The following PCID2 variants were observed in gnomAD, a reference collection of about 807,000 sequenced individuals.
The protein encoded by PCID2 is PCI domain containing 2, also known as PCI domain-containing protein 2.
A neutral mutation model predicts 61.3 loss-of-function variants in PCID2; 41 were observed. That is an observed-to-expected ratio of 0.67 (90% CI 0.52 to 0.87). The LOEUF (loss-of-function observed/expected upper bound fraction) is 0.87. PCID2 is among the 40% of genes least tolerant of loss of function. The probability of loss-of-function intolerance (pLI) is 0.00; values close to 1 mark genes in which losing one functional copy is unlikely to be tolerated. For missense variants in PCID2, 392 were observed against 493.4 expected (o/e 0.79, Z 1.95); for synonymous variants, 187 against 177.8 (o/e 1.05, Z -0.41).
In PCID2 at chr13:113,180,060, G is replaced by C; in HGVS notation, c.861-18C>G. 1.9e-6 allele frequency: 3 copies of C among 1,613,686 alleles called. No individual in the cohort carries two copies. Among genetic ancestry groups the C allele is most frequent in the Non-Finnish European group, 2.5e-6 (3 of 1,179,760 alleles). Reference sequence around the variant, plus strand: ...TGCCCTCGCTGGTGAGGGGGGAGGCGCGTCAGAAGGAGGGTGAGTTTCTCA... The same window carrying C: ...TGCCCTCGCTGGTGAGGGGGGAGGCCCGTCAGAAGGAGGGTGAGTTTCTCA... On this transcript the variant is annotated intron_variant, in intron 11 of 13. Transcript: ENST00000337344.
At chr13:113,187,206 C>T (rs1190701055) in intron 7 of PCID2, 1 of 152,202 alleles carries the variant, frequency 6.6e-6, no homozygotes, top group Non-Finnish European at 1.5e-5. Flanking sequence ...TCACGTAAAA[C>T]GCTACACGCA....
At chr13:113,199,339 A>G (rs1438194831) in intron 2 of PCID2, among the ~76,000 whole-genome samples, 1 of 152,116 alleles carries the variant, frequency 6.6e-6, no homozygotes, top group Non-Finnish European at 1.5e-5. Context: ...CTCATACTAA[A>G]TCTCTATAAA....
intron 11 of PCID2, 34 bp from the exon 12 acceptor site, chr13:113,180,076 G>C: frequency 6.2e-7 from 1 of 1,613,566 alleles, no homozygotes; most frequent in Non-Finnish European, 8.5e-7. Flanking sequence ...GAAGGAGGGT[G>C]AGTTTCTCAC....
At chr13:113,171,451 T>C in the PCID2 span, 4 of 938,608 alleles carry the variant, frequency 4.3e-6, no homozygotes, top group East Asian at 2.6e-5. The surrounding 1 kb of genome is among the most constrained non-coding windows in gnomAD (Gnocchi z 5.1). Context: ...AAAGGCACAG[T>C]GTCCACACCA....
chr13:113,188,284 C>T (rs980835546), intron 7 of PCID2: 1 of 152,208 alleles, frequency 6.6e-6, no homozygotes, highest in African/African-American at 2.4e-5. Context: ...TTTCTACAGT[C>T]CAGCCTTGGT....
chr13:113,191,863 G>A (rs1035227602), intron 6 of PCID2, among the ~76,000 whole-genome samples: 3 of 151,980 alleles, frequency 2.0e-5, no homozygotes, highest in East Asian at 3.9e-4. Flanking sequence ...TGCTCCCACC[G>A]GCACCAAACT....
Position 113,179,999 on chromosome 13 carries a change from C to G in PCID2, c.904G>C (p.Glu302Gln), listed in dbSNP as rs570524310. 3.7e-6 allele frequency: 6 copies of G among 1,614,116 alleles called. No individual in the cohort carries two copies. Among genetic ancestry groups the G allele is most frequent in the Non-Finnish European group, 5.1e-6 (6 of 1,179,994 alleles). ...ATTCCGCAGCGAATGAAGAAGGCCT[C>G]GTGCTTCGCCAGCGCCTCGTGCAGC... Reference protein sequence around the residue: ...LLLHEALAKHEAFFIRCGIFL... With the variant: ...LLLHEALAKHQAFFIRCGIFL... The change falls in exon 12 of 14, where the codon GAG becomes CAG. Residue 302 changes from glutamate to glutamine, a missense_variant. Physicochemically the swap from Glu to Gln is conservative, Grantham distance 29. Transcript: ENST00000337344. This position sits in a 1 kb window ranked among gnomAD's most constrained non-coding sequence, Gnocchi z 4.3.
At chr13:113,176,696 G>A (rs979571348), downstream of PCID2, among the ~76,000 whole-genome samples, 101 of 152,326 alleles carry the variant, frequency 6.6e-4, no homozygotes, top group African/African-American at 2.3e-3. Flanking sequence ...CTCGGAGGTC[G>A]AGGCTGCAGT....
At chr13:113,185,134 T>C (rs1341733619) in intron 8 of PCID2, among the ~76,000 whole-genome samples, 1 of 152,192 alleles carries the variant, frequency 6.6e-6, no homozygotes, top group Non-Finnish European at 1.5e-5. Context: ...TTTTCCATAG[T>C]TAATTATGAC....
intron 7 of PCID2, among the ~76,000 whole-genome samples, chr13:113,190,479 A>G (rs1274667323): frequency 6.6e-6 from 1 of 152,150 alleles, no homozygotes; most frequent in Non-Finnish European, 1.5e-5. Context: ...CTGCTTCTTC[A>G]CTGGTAAAGA....
At chr13:113,166,589 G>C in the PCID2 span, among the ~76,000 whole-genome samples, 1 of 152,344 alleles carries the variant, frequency 6.6e-6, no homozygotes, top group South Asian at 2.1e-4. Flanking sequence ...AAGGTGGAGA[G>C]GAAGAAACCG....
rs1183188291 is a variant in PCID2 at position 113,208,591 on chromosome 13, G to C, written c.36+8C>G. 5 of 1,607,544 alleles carry C rather than the reference G, an allele frequency of 3.1e-6. No individual in the cohort carries two copies. The East Asian group carries it at 9.0e-5, about 29-fold the overall frequency. ...CACGCCGCCGCGCGCTCCCCGGCTA[G>C]GACCCACCTGCTGCAGGTACTGGTT... On this transcript the variant is annotated splice_region_variant and intron_variant, in intron 1 of 13. Transcript: ENST00000337344.
chr13:113,172,993 C>A (rs926258791), downstream of PCID2, among the ~76,000 whole-genome samples: 2 of 152,150 alleles, frequency 1.3e-5, no homozygotes, highest in African/African-American at 4.8e-5. Flanking sequence ...AGGTGGGGCC[C>A]TTGGGAGGTG....
At chr13:113,174,072 CAA>C (rs572076571), downstream of PCID2, among the ~76,000 whole-genome samples, 3 of 137,212 alleles carry the variant, frequency 2.2e-5, no homozygotes, top group Non-Finnish European at 1.6e-5. Context: ...ACTAAAAATA[CAA>C]AAAAAAAAAA....
Position 113,178,291 on chromosome 13 carries a change from C to T in PCID2, c.1111-4G>A, listed in dbSNP as rs200040694. ...ATATGTAGCCTTTGACGTGTCCCTG[C>T]GGGGCAGAAAGGGAGGAATGCGTTT... On this transcript the variant is annotated splice_region_variant and splice_polypyrimidine_tract_variant and intron_variant, in intron 13 of 13. Coordinates refer to ENST00000337344, the MANE Select transcript of PCID2 (RefSeq NM_001127202.4). The T allele has an allele frequency of 5.4e-4, 876 of 1,610,294 alleles. 4 individuals carry two copies. Among genetic ancestry groups the T allele is most frequent in the Non-Finnish European group, 1.2e-4 (141 of 1,177,064 alleles).
At chr13:113,196,304 T>A in intron 4 of PCID2, 82 bp from the exon 5 acceptor site, 1 of 1,125,084 alleles carries the variant, frequency 8.9e-7, no homozygotes, top group Non-Finnish European at 1.3e-6. Flanking sequence ...ATCTAAATTT[T>A]AAGGAATGTA....
At chr13:113,169,822 T>G in the PCID2 span, among the ~76,000 whole-genome samples, 1 of 152,254 alleles carries the variant, frequency 6.6e-6, no homozygotes, top group East Asian at 1.9e-4. Context: ...TTAGTCTCCA[T>G]GTACACGTGA....
chr13:113,195,426 C>A (rs978899999), intron 5 of PCID2, among the ~76,000 whole-genome samples: 5 of 152,334 alleles, frequency 3.3e-5, no homozygotes, highest in Admixed American at 1.3e-4. Flanking sequence ...CAGCTTCCCA[C>A]CAGTATCCAA....
intron 2 of PCID2, 75 bp from the exon 3 acceptor site, chr13:113,198,339 T>G: frequency 3.5e-6 from 3 of 858,384 alleles, no homozygotes; most frequent in Non-Finnish European, 5.7e-6. Flanking sequence ...GAAAGAGATT[T>G]AAACCTCTGT....
Sources: allele counts gnomAD v4.1 joint callset (sites outside exome capture counted in the v4.1 genomes callset), GRCh38; gene constraint gnomAD v4.1.1; non-coding constraint Gnocchi (gnomAD v3.1); transcripts MANE v1.5; gene names NCBI Gene and HGNC (gene_info 2026-07-23, HGNC 2026-07-21).